The following UTY variants were observed in gnomAD, a reference collection of about 807,000 sequenced individuals.
The protein encoded by UTY is ubiquitously transcribed tetratricopeptide repeat containing, Y-linked.
In UTY, 12 loss-of-function variants were observed where a neutral mutation model predicts 32.5. The ratio of observed to expected loss-of-function variants is 0.37; its 90% CI spans 0.24 to 0.60. UTY has a LOEUF of 0.60. UTY is among the 20% of genes least tolerant of loss of function. UTY has a pLI of 0.69. For missense variants in UTY, 303 were observed against 299.2 expected (o/e 1.01, Z -0.09); for synonymous variants, 131 against 103.4 (o/e 1.27, Z -1.62).
chrY:13,404,348 C>T, intron 6 of UTY, among the ~76,000 whole-genome samples: 1 of 32,555 alleles, frequency 3.1e-5, no homozygotes, highest in Non-Finnish European at 7.6e-5. Flanking sequence ...TAACAAGCAT[C>T]TGTTAAGGGC....
chrY:13,236,303 A>G (rs2053850914), intron 28 of UTY, among the ~76,000 whole-genome samples: 1 of 28,259 alleles, frequency 3.5e-5, no homozygotes, highest in Non-Finnish European at 7.5e-5. Context: ...ATTATAATAA[A>G]AATACCATGG....
At chrY:13,408,218 T>C in intron 6 of UTY, among the ~76,000 whole-genome samples, 1 of 32,596 alleles carries the variant, frequency 3.1e-5, no homozygotes, top group Non-Finnish European at 7.6e-5. Context: ...CATATATTTA[T>C]TGAGCAGTTA....
At chrY:13,252,926 G>A (rs2054347525) in intron 28 of UTY, among the ~76,000 whole-genome samples, 1 of 33,355 alleles carries the variant, frequency 3.0e-5, no homozygotes, top group African/African-American at 1.2e-4. Flanking sequence ...CTCAGCTGTG[G>A]AGGCTGTGAG....
intron 8 of UTY, among the ~76,000 whole-genome samples, chrY:13,390,037 T>C (rs2067334222): frequency 5.9e-5 from 2 of 33,817 alleles, no homozygotes; most frequent in Non-Finnish European, 1.5e-4. Context: ...TTGGGGATGA[T>C]TCATTATTAA....
intron 27 of UTY, among the ~76,000 whole-genome samples, chrY:13,289,137 C>T (rs2057603564): frequency 3.0e-5 from 1 of 33,803 alleles, no homozygotes; most frequent in Non-Finnish European, 7.3e-5. Context: ...CACCAAAATG[C>T]TTCAGCACAA....
intron 27 of UTY, among the ~76,000 whole-genome samples, chrY:13,287,980 G>C (rs1603309904): frequency 3.1e-5 from 1 of 32,695 alleles, no homozygotes; most frequent in East Asian, 7.8e-4. Flanking sequence ...GCCCGTACCA[G>C]AGACTCCAAG....
intron 17 of UTY, among the ~76,000 whole-genome samples, chrY:13,350,615 A>G (rs2062304907): frequency 3.0e-5 from 1 of 32,810 alleles, no homozygotes; most frequent in Non-Finnish European, 7.5e-5. Context: ...TCATTCTACT[A>G]AGGGAGGAAA....
At chrY:13,295,535 A>T in intron 27 of UTY, among the ~76,000 whole-genome samples, 13 of 33,802 alleles carry the variant, frequency 3.8e-4, no homozygotes, top group Admixed American at 3.4e-3. Flanking sequence ...AAAATACAAT[A>T]ATTACTTTCC....
chrY:13,261,362 C>T, intron 27 of UTY, among the ~76,000 whole-genome samples: 1 of 33,006 alleles, frequency 3.0e-5, no homozygotes, highest in Admixed American at 2.8e-4. Flanking sequence ...ATCATATTAT[C>T]AGTATGTAAA....
chrY:13,293,701 A>G, intron 27 of UTY, among the ~76,000 whole-genome samples: 4 of 33,456 alleles, frequency 1.2e-4, no homozygotes, highest in African/African-American at 4.7e-4. Flanking sequence ...TAGAGACTCA[A>G]CAAAGAAAAC....
rs201248110 is a variant in UTY, at chrY:13,328,850, C to A, written c.2835-2500G>T. On this transcript the variant is annotated intron_variant, in intron 18 of 29. Coordinates refer to ENST00000545955, the MANE Select transcript of UTY (RefSeq NM_001258249.2). ...TAACCCAAAAATAACTCTTTAAGAA[C>A]GCATTTTATTATAAAGTGATTGTTT... 7.6e-3 allele frequency among the ~76,000 whole-genome samples: 252 copies of A among 33,058 alleles called. No individual in the cohort carries two copies. In the East Asian group the frequency reaches 0.18, roughly 24 times the overall value. The allele number at this position is 33,058 out of a possible 37,273, so 88.7% of individuals were successfully genotyped here.
intron 27 of UTY, among the ~76,000 whole-genome samples, chrY:13,264,007 A>C: frequency 2.9e-5 from 1 of 34,016 alleles, no homozygotes; most frequent in Non-Finnish European, 7.3e-5. Context: ...ACTCCCACTT[A>C]GGAGTGAGAA....
chrY:13,385,010 A>AT (rs2066548590), intron 8 of UTY, among the ~76,000 whole-genome samples: 8 of 32,965 alleles, frequency 2.4e-4, no homozygotes, highest in Non-Finnish European at 2.2e-4. Flanking sequence ...AACCTGGCTA[A>AT]TTTTTTTGTA....
chrY:13,269,487 G>C, intron 27 of UTY, among the ~76,000 whole-genome samples: 2 of 31,003 alleles, frequency 6.5e-5, no homozygotes, highest in Admixed American at 6.1e-4. Flanking sequence ...CCTGGCTTCA[G>C]CCCCCTTTCC....
In UTY at chrY:13,368,165, A is replaced by T; in HGVS notation, c.739+1091T>A. The stretch of plus-strand genomic sequence containing the variant: ...ACTGCAAGCTCCGCCTCCCAGGTTC[A>T]CGCCAGTCTCCTGCCTCAGCCTCCC... On this transcript the variant is annotated intron_variant, in intron 9 of 29. Transcript: ENST00000545955. Among the ~76,000 whole-genome samples the T allele has an allele frequency of 2.5e-4, 6 of 23,795 alleles. No individual in the cohort carries two copies. In the South Asian group the frequency reaches 6.2e-3, roughly 25 times the overall value. The allele number at this position is 23,795 out of a possible 37,273, so 63.8% of individuals were successfully genotyped here.
intron 11 of UTY, 151 bp downstream of exon 11, chrY:13,360,279 C>G: frequency 5.8e-6 from 1 of 170,941 alleles, no homozygotes; most frequent in Non-Finnish European, 1.0e-5. Context: ...CTCAAGAGAT[C>G]AACCAGGCTC....
At chrY:13,423,323 G>A (rs2072858906) in intron 4 of UTY, among the ~76,000 whole-genome samples, 1 of 33,119 alleles carries the variant, frequency 3.0e-5, no homozygotes, top group Non-Finnish European at 7.4e-5. Context: ...GACATAATAC[G>A]GCTGCAATAG....
intron 21 of UTY, among the ~76,000 whole-genome samples, chrY:13,318,158 A>AAATAAT: frequency 2.5e-4 from 6 of 23,754 alleles, no homozygotes; most frequent in Non-Finnish European, 4.3e-4. Flanking sequence ...AAACTGTCTC[A>AAATAAT]AATAATAATA....
chrY:13,251,325 A>T, intron 28 of UTY, 138 bp from the exon 29 acceptor site: 1 of 133,144 alleles, frequency 7.5e-6, no homozygotes, highest in Non-Finnish European at 1.3e-5. Flanking sequence ...TAAAAAAACA[A>T]AACAAGACTA....
Sources: gnomAD v4.1 joint callset for allele counts (sites outside exome capture counted in the v4.1 genomes callset) on GRCh38, gnomAD v4.1.1 for gene constraint, MANE v1.5 for transcripts, NCBI Gene and HGNC (gene_info 2026-07-23, HGNC 2026-07-21) for gene names.